The following MARCHF1 variants were observed in gnomAD, a reference collection of about 807,000 sequenced individuals.
MARCHF1 encodes the protein membrane associated ring-CH-type finger 1, also known as E3 ubiquitin-protein ligase MARCHF1.
MARCHF1 carries 40 observed loss-of-function variants against 54.2 expected under a neutral mutation model. The ratio of observed to expected loss-of-function variants is 0.74; its 90% CI spans 0.57 to 0.96. The LOEUF is 0.96. MARCHF1 is among the 40% of genes least tolerant of loss of function. The pLI, the probability that MARCHF1 is intolerant of heterozygous loss-of-function variation, is 0.00. For missense variants in MARCHF1, 586 were observed against 656.5 expected, an observed-to-expected ratio of 0.89 and a Z score of 1.17; for synonymous variants, 236 against 236.3, an observed-to-expected ratio of 1.00 and a Z score of 0.01.
rs1420831275 is a variant in MARCHF1 at position 163,697,441 on chromosome 4, C to T, written c.162+3372G>A. On this transcript the variant is annotated intron_variant, in intron 5 of 9. Transcript: ENST00000514618. ...AACTCTTCTGTGCACTGTTAGTTAC[C>T]CCGTTTCACTGTAAGCTCACTAAGG... is the stretch of plus-strand genomic sequence containing the variant. Among the ~76,000 whole-genome samples, 4 of 152,070 alleles carry T rather than the reference C, an allele frequency of 2.6e-5. No homozygotes were observed. In the East Asian group the frequency reaches 7.7e-4, roughly 29 times the overall value.
intron 1 of MARCHF1, among the ~76,000 whole-genome samples, chr4:164,123,911 C>T (rs753814098): frequency 1.3e-5 from 2 of 152,000 alleles, no homozygotes; most frequent in African/African-American, 2.4e-5. Flanking sequence ...GGGGTCACAT[C>T]AAGTTAAAAA....
rs1372601256 is a variant in MARCHF1 at position 163,527,598 on chromosome 4, C to CTTAA, written c.*1146_*1149dup. ...TTCATCTGACTTTAAAATGAGGACACTTAATTTAATGCTTTTAAAAATCAT... is the reference window on the plus strand; with the variant it reads ...TTCATCTGACTTTAAAATGAGGACACTTAATTAATTTAATGCTTTTAAAAATCAT... On this transcript the variant is annotated 3_prime_UTR_variant, in exon 10 of 10. Transcript: ENST00000514618. 2 of 151,270 alleles carry CTTAA rather than the reference C, an allele frequency of 1.3e-5. No individual in the cohort carries two copies. The highest frequency in any genetic ancestry group is 2.4e-5 in the African/African-American group (1 of 41,226). The allele number at this position is 151,270 out of a possible 1,614,324, so 9.4% of individuals were successfully genotyped here.
intron 1 of MARCHF1, among the ~76,000 whole-genome samples, chr4:164,274,659 CTTTTTTTTTTTTTTTTTTTT>C (rs70952617): frequency 4.5e-4 from 20 of 44,644 alleles, no homozygotes; most frequent in Non-Finnish European, 7.8e-4. Flanking sequence ...TCAGGGTACA[CTTTTTTTTTTTTTTTTTTTT>C]TTTTTTTTTT....
chr4:163,600,387 C>G (rs1740925144), intron 7 of MARCHF1, among the ~76,000 whole-genome samples: 1 of 152,054 alleles, frequency 6.6e-6, no homozygotes, highest in Admixed American at 6.6e-5. Flanking sequence ...GGATGGAATC[C>G]TGGCAGCATT....
intron 1 of MARCHF1, chr4:164,188,290 G>A (rs1162072016): frequency 1.3e-5 from 4 of 309,050 alleles, no homozygotes; most frequent in Non-Finnish European, 1.9e-5. Context: ...TTTCGCAATT[G>A]TGAGAGGCGG....
intron 1 of MARCHF1, among the ~76,000 whole-genome samples, chr4:164,303,293 G>A (rs533429025): frequency 6.6e-6 from 1 of 152,238 alleles, no homozygotes; most frequent in East Asian, 1.9e-4. Context: ...ATTTATTCCA[G>A]TGCAATAAAG....
At chr4:163,974,692 A>G (rs2110848655) in intron 3 of MARCHF1, among the ~76,000 whole-genome samples, 1 of 152,308 alleles carries the variant, frequency 6.6e-6, no homozygotes, top group Non-Finnish European at 1.5e-5. Context: ...GTGCTATCAT[A>G]AAAACCCAAA....
At chr4:163,564,050 C>G (rs140353199) in intron 8 of MARCHF1, among the ~76,000 whole-genome samples, 2 of 152,178 alleles carry the variant, frequency 1.3e-5, no homozygotes, top group Non-Finnish European at 2.9e-5. Context: ...TAACTACATA[C>G]GGGACCTGGA....
At chr4:163,545,526 TA>T in intron 9 of MARCHF1, 69 bp downstream of exon 9, 1 of 1,491,358 alleles carries the variant, frequency 6.7e-7, no homozygotes, top group African/African-American at 1.4e-5. Flanking sequence ...CCTGGGGAAA[TA>T]ACTTCCCTAT....
rs75327290 is a variant in MARCHF1 at position 164,094,940 on chromosome 4, G to A, written c.-248+16648C>T. Among the ~76,000 whole-genome samples, 23 of 152,094 alleles carry A rather than the reference G, an allele frequency of 1.5e-4. No individual in the cohort carries two copies. In the East Asian group the frequency reaches 4.4e-3, roughly 29 times the overall value. ...CATCTTTACATTACAAAAGATAACT[G>A]TATCATAACAATAAAAATACCATCC... is the stretch of plus-strand genomic sequence containing the variant. On this transcript the variant is annotated intron_variant, in intron 2 of 9. Coordinates refer to ENST00000514618, the MANE Select transcript of MARCHF1 (RefSeq NM_001394959.1).
At chr4:163,573,224 A>G (rs923406382) in intron 8 of MARCHF1, among the ~76,000 whole-genome samples, 1 of 151,910 alleles carries the variant, frequency 6.6e-6, no homozygotes, top group Non-Finnish European at 1.5e-5. Context: ...AGAGTTTTGT[A>G]GGACTAGAAT....
At chr4:163,711,885 T>C (rs1745117849) in intron 4 of MARCHF1, among the ~76,000 whole-genome samples, 1 of 152,214 alleles carries the variant, frequency 6.6e-6, no homozygotes, top group African/African-American at 2.4e-5. Flanking sequence ...TAGACCCCGA[T>C]GGATAAAAGT....
rs915391766 is a variant in MARCHF1 at position 163,933,100 on chromosome 4, C to T, written c.-39+55401G>A. ...CTTGCCTGCACGCTGGCTAAAACGG[C>T]TTTTGATGAGGCCATTGCAGAACTT... On this transcript the variant is annotated intron_variant, in intron 3 of 9. Coordinates refer to ENST00000514618, the MANE Select transcript of MARCHF1 (RefSeq NM_001394959.1). 2.9e-6 allele frequency: 4 copies of T among 1,369,970 alleles called. No homozygotes were observed. In the African/African-American group the frequency reaches 5.9e-5, roughly 20 times the overall value. The allele number at this position is 1,369,970 out of a possible 1,614,324, so 84.9% of individuals were successfully genotyped here. A position where few individuals can be genotyped will look rare whatever the true frequency, so the allele number is the denominator to read the frequency against.
chr4:164,052,634 A>G (rs958290797), intron 2 of MARCHF1, among the ~76,000 whole-genome samples: 13 of 152,206 alleles, frequency 8.5e-5, no homozygotes, highest in Admixed American at 6.5e-5. Context: ...CTTGGCTCTG[A>G]CACAGACGTA....
chr4:164,228,673 A>T (rs1390620027), intron 1 of MARCHF1, among the ~76,000 whole-genome samples: 1 of 152,220 alleles, frequency 6.6e-6, no homozygotes, highest in Non-Finnish European at 1.5e-5. Flanking sequence ...TTTACCCTCA[A>T]ATATTAAATT....
At chr4:163,606,494 A>G (rs1424525900) in intron 7 of MARCHF1, among the ~76,000 whole-genome samples, 6 of 152,068 alleles carry the variant, frequency 3.9e-5, no homozygotes, top group African/African-American at 1.4e-4. Context: ...TGAGATTTCC[A>G]AGAGAGAAAA....
intron 1 of MARCHF1, among the ~76,000 whole-genome samples, chr4:164,159,282 G>C (rs1391457266): frequency 6.6e-6 from 1 of 151,922 alleles, no homozygotes; most frequent in East Asian, 1.9e-4. Context: ...AAGTAATCGT[G>C]GATTTTGCTT....
chr4:163,538,986 G>A (rs1197843331), intron 9 of MARCHF1, among the ~76,000 whole-genome samples: 3 of 148,302 alleles, frequency 2.0e-5, no homozygotes, highest in Non-Finnish European at 4.4e-5. Flanking sequence ...TGGTGGTTTC[G>A]CTCTCTCCTG....
At chr4:164,239,793 T>C (rs1732674241) in intron 1 of MARCHF1, among the ~76,000 whole-genome samples, 1 of 151,936 alleles carries the variant, frequency 6.6e-6, no homozygotes. Flanking sequence ...GTATATGTCA[T>C]ATTCTTCTTT....
Sources: allele counts gnomAD v4.1 joint callset (sites outside exome capture counted in the v4.1 genomes callset), GRCh38; gene constraint gnomAD v4.1.1; transcripts MANE v1.5; gene names NCBI Gene and HGNC (gene_info 2026-07-23, HGNC 2026-07-21).